The following WDR45B variants were observed in gnomAD, a reference collection of about 807,000 sequenced individuals.
WDR45B encodes WD repeat domain phosphoinositide-interacting protein 3.
WDR45B carries 20 observed loss-of-function variants against 44.6 expected under a neutral mutation model. The ratio of observed to expected loss-of-function variants is 0.45; its 90% CI spans 0.32 to 0.65. WDR45B has a LOEUF of 0.65. WDR45B is among the 30% of genes least tolerant of loss of function. The pLI is 0.05. For synonymous variants in WDR45B, 169 were observed against 164.9 expected (o/e 1.02, Z -0.19); for missense variants, 323 against 430.2 (o/e 0.75, Z 2.20).
At chr17:82,624,190 G>A (rs1025687059) in intron 5 of WDR45B, among the ~76,000 whole-genome samples, 9 of 152,130 alleles carry the variant, frequency 5.9e-5, no homozygotes, top group Non-Finnish European at 1.0e-4. Context: ...ACACACAGAG[G>A]ACAAATACAT....
At position 82,643,953 on chromosome 17, in the gene WDR45B, T is replaced by A; in HGVS notation, c.138A>T (p.Lys46Asn). 6.2e-7 allele frequency: 1 copy of A among 1,613,978 alleles called. No individual in the cohort carries two copies. Among genetic ancestry groups the A allele is most frequent in the East Asian group, 2.2e-5 (1 of 44,888 alleles). ...YNTDPLKEKE[K>N]QEFLEGGVGH... is the part of the protein sequence containing the mutation. ...AAATGTCCCGTTAATTCTTACCTTG[T>A]TTCTCTTTTTCTTTTAGTGGATCAG... Residue 46 changes from lysine to asparagine, a missense_variant, in exon 2 of 10, where the codon AAA (lysine) becomes AAT (asparagine). By Grantham distance (94) the Lys-to-Asn change is moderately conservative (BLOSUM62 0). Coordinates refer to ENST00000392325, the MANE Select transcript of WDR45B (RefSeq NM_019613.4).
chr17:82,648,222 C>A, intron 1 of WDR45B, 52 bp downstream of exon 1: 1 of 1,567,052 alleles, frequency 6.4e-7, no homozygotes, highest in Non-Finnish European at 8.6e-7. Context: ...CCGGGGACCC[C>A]GGGCTGCGGG....
At chr17:82,632,441 G>GT (rs2045779724) in intron 2 of WDR45B, among the ~76,000 whole-genome samples, 1 of 152,140 alleles carries the variant, frequency 6.6e-6, no homozygotes, top group African/African-American at 2.4e-5. Context: ...TGCTGGGATT[G>GT]TAAGTGTGAG....
intron 3 of WDR45B, chr17:82,629,696 G>C: frequency 1.0e-6 from 1 of 980,406 alleles, no homozygotes; most frequent in Middle Eastern, 5.3e-4. Flanking sequence ...TCTCTCTTCC[G>C]CACATTCACG....
rs956074863 is a variant in WDR45B at position 82,625,697 on chromosome 17, C to T, written c.333-214G>A. 1.2e-5 allele frequency: 7 copies of T among 562,652 alleles called. No individual in the cohort carries two copies. The Admixed American group carries it at 1.3e-4, about 11-fold the overall frequency. The allele number at this position is 562,652 out of a possible 1,614,324, so 34.9% of individuals were successfully genotyped here. On this transcript the variant is annotated intron_variant, in intron 4 of 9. Coordinates refer to ENST00000392325, the MANE Select transcript of WDR45B (RefSeq NM_019613.4). Reference sequence around the variant, plus strand: ...CTGGCTCTGCTGAGGGAGTGCTTCTCGCCTGGGTGAAGGTCAGCCTAAGAG... The same window carrying T: ...CTGGCTCTGCTGAGGGAGTGCTTCTTGCCTGGGTGAAGGTCAGCCTAAGAG...
In WDR45B at chr17:82,637,940, G is replaced by T. The variant is rs550147419; in HGVS notation, c.142+6009C>A. ...TGTAATCCCAGCACTCTGGGAGGCC[G>T]AGGCAGACAAATAACTTGAAGTCAA... is the stretch of plus-strand genomic sequence containing the variant. On this transcript the variant is annotated intron_variant, in intron 2 of 9. Transcript: ENST00000392325. 2.0e-5 allele frequency among the ~76,000 whole-genome samples: 3 copies of T among 151,554 alleles called. No individual in the cohort carries two copies. The East Asian group carries it at 5.8e-4, about 30-fold the overall frequency.
intron 3 of WDR45B, among the ~76,000 whole-genome samples, chr17:82,629,249 T>TA (rs2045738303): frequency 6.6e-6 from 1 of 152,210 alleles, no homozygotes; most frequent in Non-Finnish European, 1.5e-5. Context: ...GGCGGCCCTC[T>TA]AGGCCTCCTG....
chr17:82,618,051 T>C (rs936991637), intron 7 of WDR45B, among the ~76,000 whole-genome samples: 2 of 151,906 alleles, frequency 1.3e-5, no homozygotes, highest in African/African-American at 4.8e-5. Context: ...GCCTCAGCCC[T>C]GCCTAGTAGC....
At position 82,643,968 on chromosome 17, in the gene WDR45B, T is replaced by C. The variant is rs745479539; in HGVS notation, c.123A>G (p.Leu41=). 3 of 1,614,036 alleles carry C rather than the reference T, an allele frequency of 1.9e-6. No homozygotes were observed. The African/African-American group carries it at 4.0e-5, about 22-fold the overall frequency. The change falls in exon 2 of 10, where the codon CTA becomes CTG. Residue 41 remains leucine, a synonymous_variant. Coordinates refer to ENST00000392325, the MANE Select transcript of WDR45B (RefSeq NM_019613.4). ...NGFRVYNTDP[L]KEKEKQEFLE... is the part of the protein sequence containing the mutation. ...TCTTACCTTGTTTCTCTTTTTCTTT[T>C]AGTGGATCAGTGTTATAGACTCGGA...
rs2045520428 is a variant in WDR45B at position 82,615,547 on chromosome 17, C to G, written c.*372G>C. 3.1e-6 allele frequency: 1 copy of G among 320,880 alleles called. No homozygotes were observed. Among genetic ancestry groups the G allele is most frequent in the Admixed American group, 4.3e-5 (1 of 23,414 alleles). 19.9% of individuals were successfully genotyped at this position (320,880 alleles called of 1,614,324 possible). A position where few individuals can be genotyped will look rare whatever the true frequency, so the allele number is the denominator to read the frequency against. The stretch of plus-strand genomic sequence containing the variant: ...GCAGACTCAGTAAGAACGACGGAAT[C>G]TGCTGCAAAAACAAACCTGAACTCG... On this transcript the variant is annotated 3_prime_UTR_variant, in exon 10 of 10. Coordinates refer to ENST00000392325, the MANE Select transcript of WDR45B (RefSeq NM_019613.4).
intron 2 of WDR45B, among the ~76,000 whole-genome samples, chr17:82,633,142 G>A (rs890489794): frequency 7.1e-6 from 1 of 140,126 alleles, no homozygotes; most frequent in African/African-American, 2.7e-5. Context: ...CAGCCTGGGC[G>A]AAGGAGGGAG....
chr17:82,627,851 A>G (rs1340664250), intron 3 of WDR45B, among the ~76,000 whole-genome samples: 1 of 152,238 alleles, frequency 6.6e-6, no homozygotes. Flanking sequence ...GGCAAGCCTG[A>G]CCATAGGTAC....
At chr17:82,637,729 C>T (rs1344744058) in intron 2 of WDR45B, among the ~76,000 whole-genome samples, 1 of 151,972 alleles carries the variant, frequency 6.6e-6, no homozygotes, top group Non-Finnish European at 1.5e-5. Flanking sequence ...TGAAGAGATG[C>T]ATAGGGCAAG....
At chr17:82,628,526 C>T (rs2045727816) in intron 3 of WDR45B, among the ~76,000 whole-genome samples, 1 of 151,920 alleles carries the variant, frequency 6.6e-6, no homozygotes, top group African/African-American at 2.4e-5. Context: ...TCGCTTGAGG[C>T]CAAGAGTTCA....
intron 9 of WDR45B, 59 bp downstream of exon 9, chr17:82,616,465 C>A: frequency 6.2e-7 from 1 of 1,611,754 alleles, no homozygotes; most frequent in South Asian, 1.1e-5. Context: ...GTCTGACGCT[C>A]AGTGGATGGA....
chr17:82,628,061 T>C (rs1346825469), intron 3 of WDR45B, among the ~76,000 whole-genome samples: 1 of 152,180 alleles, frequency 6.6e-6, no homozygotes, highest in Admixed American at 6.5e-5. Flanking sequence ...GGCGCAATCT[T>C]GGCTCACTAC....
At chr17:82,631,466 G>C (rs931710087) in intron 2 of WDR45B, among the ~76,000 whole-genome samples, 16 of 148,812 alleles carry the variant, frequency 1.1e-4, no homozygotes, top group African/African-American at 4.0e-4. Flanking sequence ...TGTATTTTTA[G>C]TAGAGATGGG....
intron 1 of WDR45B, among the ~76,000 whole-genome samples, chr17:82,646,513 C>CAAAAAAAAAAAAAAAAAAAA (rs1491582349): frequency 3.7e-5 from 1 of 27,076 alleles, no homozygotes; most frequent in Non-Finnish European, 6.2e-5. Context: ...AAAAAAAAAA[C>CAAAAAAAAAAAAAAAAAAAA]CCAAAACAAA....
intron 4 of WDR45B, chr17:82,625,896 T>C: frequency 4.0e-6 from 1 of 252,366 alleles, no homozygotes; most frequent in Non-Finnish European, 7.8e-6. Context: ...TTATTACTTT[T>C]TTTTTATAGA....
Sources: gnomAD v4.1 joint callset for allele counts (sites outside exome capture counted in the v4.1 genomes callset) on GRCh38, gnomAD v4.1.1 for gene constraint, MANE v1.5 for transcripts, NCBI Gene and HGNC (gene_info 2026-07-23, HGNC 2026-07-21) for gene names.